Variants in TARP observed in about 807,000 individuals in gnomAD.
the TARP span, among the ~76,000 whole-genome samples, chr7:38,261,887 G>A: frequency 1.4e-3 from 195 of 141,440 alleles, no homozygotes; most frequent in Middle Eastern, 3.6e-3. Context: ...AAAAAAAAAA[G>A]AAAAGAAAAA....
At chr7:38,273,092 T>C in the TARP span, among the ~76,000 whole-genome samples, 1 of 151,140 alleles carries the variant, frequency 6.6e-6, no homozygotes, top group African/African-American at 2.4e-5. Flanking sequence ...AACAAACTCA[T>C]TGGACCAATT....
chr7:38,273,094 G>A, the TARP span, among the ~76,000 whole-genome samples: 1 of 148,762 alleles, frequency 6.7e-6, no homozygotes, highest in African/African-American at 2.5e-5. Context: ...CAAACTCATT[G>A]GACCAATTTA....
At chr7:38,265,467 T>C in the TARP span, 15 of 1,611,802 alleles carry the variant, frequency 9.3e-6, no homozygotes, top group African/African-American at 1.8e-4. Flanking sequence ...ACCAGCTAAA[T>C]TTCATGTATG....
chr7:38,267,452 C>T, the TARP span, among the ~76,000 whole-genome samples: 1 of 151,512 alleles, frequency 6.6e-6, no homozygotes, highest in African/African-American at 2.4e-5. Flanking sequence ...AATAATTGAA[C>T]AATTTCTAAG....
the TARP span, among the ~76,000 whole-genome samples, chr7:38,262,772 A>T: frequency 1.3e-5 from 2 of 151,308 alleles, no homozygotes; most frequent in Non-Finnish European, 2.9e-5. Context: ...CTCCCATCTC[A>T]GCCTTCTGAG....
the TARP span, among the ~76,000 whole-genome samples, chr7:38,268,060 T>C: frequency 1.3e-5 from 2 of 151,452 alleles, no homozygotes; most frequent in Non-Finnish European, 2.9e-5. Flanking sequence ...TGATTACACA[T>C]GGTAAGGGCC....
the TARP span, among the ~76,000 whole-genome samples, chr7:38,271,185 C>T: frequency 6.6e-6 from 1 of 151,176 alleles, no homozygotes; most frequent in Non-Finnish European, 1.5e-5. Context: ...AAATAAATAA[C>T]AAAGAGTTTG....
At chr7:38,261,640 C>A in the TARP span, among the ~76,000 whole-genome samples, 1 of 151,160 alleles carries the variant, frequency 6.6e-6, no homozygotes, top group Admixed American at 6.6e-5. Flanking sequence ...TTCGGGAGGG[C>A]GAGGGGGCAG....
At chr7:38,266,271 T>G in the TARP span, among the ~76,000 whole-genome samples, 292 of 151,666 alleles carry the variant, frequency 1.9e-3, no homozygotes, top group African/African-American at 6.4e-3. Flanking sequence ...CATATTTATC[T>G]TATTATTTAT....
At chr7:38,261,184 G>A in the TARP span, among the ~76,000 whole-genome samples, 4 of 151,632 alleles carry the variant, frequency 2.6e-5, no homozygotes, top group East Asian at 5.8e-4. Context: ...CACCCACCCA[G>A]CCCCACATGA....
the TARP span, among the ~76,000 whole-genome samples, chr7:38,270,641 C>G: frequency 9.9e-4 from 150 of 151,082 alleles, no homozygotes; most frequent in African/African-American, 3.5e-3. Context: ...CCCTTCAAGG[C>G]AGAATGGGTA....
At chr7:38,263,434 T>C in the TARP span, among the ~76,000 whole-genome samples, 1 of 151,844 alleles carries the variant, frequency 6.6e-6, no homozygotes, top group African/African-American at 2.4e-5. Flanking sequence ...AGATAGAAAG[T>C]TATTTATAAA....
At chr7:38,263,057 C>A in the TARP span, among the ~76,000 whole-genome samples, 1 of 151,546 alleles carries the variant, frequency 6.6e-6, no homozygotes, top group East Asian at 1.9e-4. Flanking sequence ...AGCAGTCATT[C>A]TTTTCCAAAT....
At chr7:38,272,189 C>T in the TARP span, among the ~76,000 whole-genome samples, 82,025 of 149,748 alleles carry the variant, frequency 0.55, 24,874 homozygotes, top group African/African-American at 0.83. Context: ...AGATGGGAGT[C>T]GATACATTTA....
the TARP span, chr7:38,262,146 G>A: frequency 1.2e-6 from 2 of 1,601,694 alleles, no homozygotes; most frequent in Non-Finnish European, 1.7e-6. Flanking sequence ...ATGATCAGGA[G>A]GAAGGGAAAA....
chr7:38,263,713 G>A, the TARP span, among the ~76,000 whole-genome samples: 1 of 151,582 alleles, frequency 6.6e-6, no homozygotes, highest in East Asian at 1.9e-4. Context: ...AAACACAGTT[G>A]CATTGGTGTG....
At chr7:38,261,446 G>T in the TARP span, among the ~76,000 whole-genome samples, 1 of 147,648 alleles carries the variant, frequency 6.8e-6, no homozygotes, top group African/African-American at 2.4e-5. Context: ...GCAGAACACA[G>T]CCCAAGCCCT....
the TARP span, among the ~76,000 whole-genome samples, chr7:38,272,093 A>G: frequency 6.6e-6 from 1 of 151,270 alleles, no homozygotes; most frequent in Non-Finnish European, 1.5e-5. Flanking sequence ...CATTCTAATT[A>G]CTTTTAGAAG....
the TARP span, among the ~76,000 whole-genome samples, chr7:38,268,543 T>C: frequency 6.6e-6 from 1 of 151,472 alleles, no homozygotes; most frequent in Non-Finnish European, 1.5e-5. Context: ...TTAACCTTTT[T>C]TTCCTGAGAC....
Sources: gnomAD v4.1 joint callset for allele counts (sites outside exome capture counted in the v4.1 genomes callset) on GRCh38, gnomAD v4.1.1 for gene constraint, MANE v1.5 for transcripts.